The following RNF220 variants were observed in gnomAD, a reference collection of about 807,000 sequenced individuals.
The protein encoded by RNF220 is E3 ubiquitin-protein ligase RNF220.
RNF220 carries 7 observed loss-of-function variants against 67.1 expected under a neutral mutation model. The observed-to-expected ratio is 0.10, with a 90% CI of 0.06 to 0.20. The LOEUF is 0.20. Among genes scored for constraint, RNF220 ranks in the 10% least tolerant of loss-of-function variants. The probability of loss-of-function intolerance (pLI) is 1.00; values close to 1 mark genes in which losing one functional copy is unlikely to be tolerated. For synonymous variants in RNF220, 270 were observed against 283.2 expected (o/e 0.95, Z 0.47); for missense variants, 565 against 740.3 (o/e 0.76, Z 2.75).
At chr1:44,484,381 G>A (rs1431641943) in intron 2 of RNF220, among the ~76,000 whole-genome samples, 2 of 152,098 alleles carry the variant, frequency 1.3e-5, no homozygotes, top group Non-Finnish European at 2.9e-5. Context: ...GAATGCAGTC[G>A]AGCTGTGTGC....
intron 2 of RNF220, among the ~76,000 whole-genome samples, chr1:44,550,035 C>T (rs1465005172): frequency 2.0e-5 from 3 of 152,224 alleles, no homozygotes; most frequent in Non-Finnish European, 4.4e-5. Flanking sequence ...TAGAGCCAAG[C>T]GGAGTTGGGA....
At chr1:44,593,347 G>A (rs912166903) in intron 2 of RNF220, among the ~76,000 whole-genome samples, 3 of 152,070 alleles carry the variant, frequency 2.0e-5, no homozygotes, top group Admixed American at 6.5e-5. Context: ...TTAAGCTTTC[G>A]ACCAACATGA....
intron 2 of RNF220, among the ~76,000 whole-genome samples, chr1:44,484,000 C>T (rs1656061739): frequency 6.6e-6 from 1 of 152,146 alleles, no homozygotes; most frequent in African/African-American, 2.4e-5. Context: ...AGTGAAATGT[C>T]TCCAAAATCT....
chr1:44,412,592 T>C lies in RNF220; in HGVS notation c.495T>C (p.Phe165=). ...ATGCAGATGGCAAGGAATATGACTT[T>C]GGGACACAGCTGCCATCTAGCTCCC... ...FSDADGKEYD[F]GTQLPSSSPG... is the part of the protein sequence containing the mutation. Residue 165 remains phenylalanine, a synonymous_variant, in exon 2 of 15, where the codon TTT becomes TTC. Transcript: ENST00000361799. The surrounding 1 kb of genome is among the most constrained non-coding windows in gnomAD (Gnocchi z 5.3). 2 of 1,614,200 alleles carry C rather than the reference T, an allele frequency of 1.2e-6. No individual in the cohort carries two copies. The highest frequency in any genetic ancestry group is 1.7e-6 in the Non-Finnish European group (2 of 1,180,032).
chr1:44,609,759 C>T (rs796285851), intron 2 of RNF220, among the ~76,000 whole-genome samples: 4 of 152,338 alleles, frequency 2.6e-5, no homozygotes, highest in Admixed American at 6.5e-5. Flanking sequence ...CTCTCCTCCT[C>T]GACAGGCCTG....
intron 2 of RNF220, among the ~76,000 whole-genome samples, chr1:44,588,157 G>A (rs1027029611): frequency 5.3e-5 from 8 of 152,240 alleles, no homozygotes; most frequent in African/African-American, 1.7e-4. Context: ...GAAGGTCCCA[G>A]TATTTGGACC....
intron 5 of RNF220, among the ~76,000 whole-genome samples, chr1:44,627,433 A>G (rs1446033443): frequency 6.6e-6 from 1 of 151,734 alleles, no homozygotes; most frequent in Admixed American, 6.6e-5. Context: ...GCCCAGATAG[A>G]GAGACAGGCA....
intron 2 of RNF220, among the ~76,000 whole-genome samples, chr1:44,611,419 C>G (rs1395693971): frequency 2.6e-5 from 4 of 152,234 alleles, no homozygotes; most frequent in Non-Finnish European, 4.4e-5. Context: ...AAGAACCAGA[C>G]TTGGTGTACC....
At chr1:44,629,683 T>C (rs937887077) in intron 5 of RNF220, among the ~76,000 whole-genome samples, 1 of 151,756 alleles carries the variant, frequency 6.6e-6, no homozygotes, top group East Asian at 1.9e-4. Flanking sequence ...ACTAAAAATA[T>C]AAAATAAAAA....
At position 44,436,108 on chromosome 1, in the gene RNF220, C is replaced by A. The variant is rs562451393; in HGVS notation, c.625+23386C>A. 2.6e-5 allele frequency among the ~76,000 whole-genome samples: 4 copies of A among 152,114 alleles called. No individual in the cohort carries two copies. The East Asian group carries it at 7.8e-4, about 30-fold the overall frequency. On this transcript the variant is annotated intron_variant, in intron 2 of 14. Transcript: ENST00000361799. ...TCCTTGACACACAAAGTCCCTGAAGCAAGTTTCCACTTTTCTCTGCAAAAG... is the reference window on the plus strand; with the variant it reads ...TCCTTGACACACAAAGTCCCTGAAGAAAGTTTCCACTTTTCTCTGCAAAAG...
At position 44,450,602 on chromosome 1, in the gene RNF220, C is replaced by T. The variant is rs189155004; in HGVS notation, c.625+37880C>T. On this transcript the variant is annotated intron_variant, in intron 2 of 14. Coordinates refer to ENST00000361799, the MANE Select transcript of RNF220 (RefSeq NM_018150.4). The stretch of plus-strand genomic sequence containing the variant: ...CGTGCTTCTTCCTTTTTTCACTTAA[C>T]TATGTGTGTTTTCAATTTTTCCATG... 7.1e-4 allele frequency among the ~76,000 whole-genome samples: 108 copies of T among 152,236 alleles called. No individual in the cohort carries two copies. In the Middle Eastern group the frequency reaches 0.017, roughly 24 times the overall value.
chr1:44,602,498 C>G (rs913915001), intron 2 of RNF220, among the ~76,000 whole-genome samples: 1 of 152,090 alleles, frequency 6.6e-6, no homozygotes, highest in South Asian at 2.1e-4. Flanking sequence ...GCATGGTCCT[C>G]TGTCCCAGAG....
chr1:44,527,724 G>A (rs1308216784), intron 2 of RNF220, among the ~76,000 whole-genome samples: 16 of 151,654 alleles, frequency 1.1e-4, no homozygotes, highest in Non-Finnish European at 1.2e-4. Context: ...GCAGGAGTTC[G>A]AGACCAGCCT....
intron 2 of RNF220, among the ~76,000 whole-genome samples, chr1:44,535,277 A>G (rs1572803321): frequency 6.6e-6 from 1 of 150,718 alleles, no homozygotes. Context: ...AGTGGCTGGG[A>G]TTATAGGCAC....
intron 2 of RNF220, among the ~76,000 whole-genome samples, chr1:44,421,733 C>A (rs1156964905): frequency 1.3e-5 from 2 of 151,960 alleles, no homozygotes; most frequent in Non-Finnish European, 2.9e-5. Flanking sequence ...CAGTGTTTTT[C>A]TCTTTGTAGA....
rs764181984 is a variant in RNF220 at position 44,644,765 on chromosome 1, G to C, written c.1194G>C (p.Gly398=). 1.2e-6 allele frequency: 2 copies of C among 1,614,036 alleles called. No individual in the cohort carries two copies. The highest frequency in any genetic ancestry group is 3.3e-5 in the Admixed American group (2 of 60,012). Residue 398 remains glycine (G), a synonymous_variant, in exon 9 of 15, where the codon GGG becomes GGC. Coordinates refer to ENST00000361799, the MANE Select transcript of RNF220 (RefSeq NM_018150.4). ...PDSDADLDVD[G]DDTLEYGKPQ... is the part of the protein sequence containing the mutation. ...GTGATGCTGACTTGGATGTGGATGGGGATGACACTCTGGAGTATGGGAAGC... is the reference window on the plus strand; with the variant it reads ...GTGATGCTGACTTGGATGTGGATGGCGATGACACTCTGGAGTATGGGAAGC...
intron 2 of RNF220, among the ~76,000 whole-genome samples, chr1:44,610,460 A>G (rs967004867): frequency 2.0e-5 from 3 of 152,062 alleles, no homozygotes; most frequent in Non-Finnish European, 4.4e-5. Context: ...TGCTTCCCGC[A>G]TATCCCCACT....
chr1:44,647,386 G>C (rs981398030), intron 12 of RNF220, among the ~76,000 whole-genome samples: 2 of 152,140 alleles, frequency 1.3e-5, no homozygotes, highest in African/African-American at 4.8e-5. Flanking sequence ...GGCACATATG[G>C]CATTGTGCAA....
rs1013498572 is a variant in RNF220 at position 44,650,492 on chromosome 1, G to A, written c.1630-212G>A. 7.8e-5 allele frequency: 46 copies of A among 591,414 alleles called. 1 individual carries two copies. The highest frequency in any genetic ancestry group is 4.9e-4 in the South Asian group (25 of 51,428). The allele number at this position is 591,414 out of a possible 1,614,324, so 36.6% of individuals were successfully genotyped here. Reference sequence around the variant, plus strand: ...TTCTCATTACTGGGGCTCCTGCTGCGGGGCTGGCCAGGCGGTTTGATCCTG... The same window carrying A: ...TTCTCATTACTGGGGCTCCTGCTGCAGGGCTGGCCAGGCGGTTTGATCCTG... On this transcript the variant is annotated intron_variant, in intron 14 of 14. Coordinates refer to ENST00000361799, the MANE Select transcript of RNF220 (RefSeq NM_018150.4). The surrounding 1 kb of genome is among the most constrained non-coding windows in gnomAD (Gnocchi z 4.3).
Sources: allele counts gnomAD v4.1 joint callset (sites outside exome capture counted in the v4.1 genomes callset), GRCh38; gene constraint gnomAD v4.1.1; non-coding constraint Gnocchi (gnomAD v3.1); transcripts MANE v1.5; gene names NCBI Gene and HGNC (gene_info 2026-07-23, HGNC 2026-07-21).